The following PCDHA12 variants were observed in gnomAD, a reference collection of about 807,000 sequenced individuals.
The protein encoded by PCDHA12 is protocadherin alpha 12, also known as protocadherin alpha-12.
Under a neutral mutation model 60.0 loss-of-function variants are expected in PCDHA12, and 44 were observed. The observed-to-expected ratio is 0.73, with a 90% CI of 0.58 to 0.94. PCDHA12 has a LOEUF of 0.94. Ranked by LOEUF, PCDHA12 falls within the 40% of genes least tolerant of loss-of-function variation. The probability of loss-of-function intolerance (pLI) is 0.00; values close to 1 mark genes in which losing one functional copy is unlikely to be tolerated. For synonymous variants in PCDHA12, 569 were observed against 553.0 expected, an observed-to-expected ratio of 1.03 and a Z score of -0.40; for missense variants, 1,276 against 1,239.7, an observed-to-expected ratio of 1.03 and a Z score of -0.44.
chr5:140,926,830 G>T (rs2083580756), intron 1 of PCDHA12: 2 of 1,503,958 alleles, frequency 1.3e-6, no homozygotes, highest in Non-Finnish European at 1.8e-6. Context: ...CAGGAGTCCG[G>T]AGCATGGTCC....
chr5:140,881,456 T>C, intron 1 of PCDHA12: 1 of 690,256 alleles, frequency 1.4e-6, no homozygotes, highest in Non-Finnish European at 1.8e-6. Context: ...TCCAAAACCT[T>C]AGAGCATTGT....
chr5:140,905,399 A>AT (rs1414882789), intron 1 of PCDHA12, among the ~76,000 whole-genome samples: 8 of 152,142 alleles, frequency 5.3e-5, no homozygotes, highest in African/African-American at 1.9e-4. Context: ...CTGTGTGCCT[A>AT]TTTTTATACC....
chr5:140,915,259 T>C (rs1344301014), intron 1 of PCDHA12, among the ~76,000 whole-genome samples: 1 of 152,182 alleles, frequency 6.6e-6, no homozygotes, highest in East Asian at 1.9e-4. Context: ...GTTGTTATTA[T>C]TTTTGACCAG....
At chr5:140,900,192 A>G (rs1280412667) in intron 1 of PCDHA12, among the ~76,000 whole-genome samples, 2 of 152,186 alleles carry the variant, frequency 1.3e-5, no homozygotes, top group African/African-American at 2.4e-5. Flanking sequence ...ACTTATAATG[A>G]CATCCAGTTT....
In PCDHA12 at chr5:140,931,701, A is replaced by G. The variant is rs78657610; in HGVS notation, c.2368-47248A>G. Among the ~76,000 whole-genome samples the G allele has an allele frequency of 8.3e-3, 1,259 of 152,106 alleles. 10 individuals are homozygous for G. Among genetic ancestry groups the G allele is most frequent in the Non-Finnish European group, 0.014 (970 of 67,850 alleles). ...TAAATGAATTGTGATTCATAAAACC[A>G]TGAATAAAATAACTTCTATAAATAT... On this transcript the variant is annotated intron_variant, in intron 1 of 3. Coordinates refer to ENST00000398631, the MANE Select transcript of PCDHA12 (RefSeq NM_018903.4).
chr5:140,968,643 A>G (rs2096261293), intron 1 of PCDHA12: 1 of 1,614,198 alleles, frequency 6.2e-7, no homozygotes. Context: ...CATCTAGCCC[A>G]GACTTCTGAC....
At position 140,979,015 on chromosome 5, in the gene PCDHA12, T is replaced by C. The variant is rs782169362; in HGVS notation, c.2426+8T>C. ...GAGAGCAGGCATGCACAGGTATGTATTTCCCTCCTCATTCACTCAGAAGTA... is the reference window on the plus strand; with the variant it reads ...GAGAGCAGGCATGCACAGGTATGTACTTCCCTCCTCATTCACTCAGAAGTA... On this transcript the variant is annotated splice_region_variant and intron_variant, in intron 2 of 3. Coordinates refer to ENST00000398631, the MANE Select transcript of PCDHA12 (RefSeq NM_018903.4). 1 of 1,613,802 alleles carries C rather than the reference T, an allele frequency of 6.2e-7. No individual in the cohort carries two copies. Among genetic ancestry groups the C allele is most frequent in the Non-Finnish European group, 8.5e-7 (1 of 1,179,916 alleles).
intron 1 of PCDHA12, among the ~76,000 whole-genome samples, chr5:140,897,805 A>G (rs1216400632): frequency 6.6e-6 from 1 of 152,172 alleles, no homozygotes; most frequent in Non-Finnish European, 1.5e-5. Context: ...AGTCCCACCA[A>G]CAGTGTAAAA....
rs1190027185 is a variant in PCDHA12, at chr5:140,882,058, C to T, written c.2367+4219C>T. On this transcript the variant is annotated intron_variant, in intron 1 of 3. Transcript: ENST00000398631. ...GAAGACTGAGTCATACTTACACTTA[C>T]ACGTTCATGCGCATGGTGTCGCTCT... is the stretch of plus-strand genomic sequence containing the variant. 1.0e-5 allele frequency: 8 copies of T among 794,854 alleles called. No individual in the cohort carries two copies. The Admixed American group carries it at 2.4e-4, about 24-fold the overall frequency. The allele number at this position is 794,854 out of a possible 1,614,324, so 49.2% of individuals were successfully genotyped here.
At chr5:140,970,156 T>G (rs933887683) in intron 1 of PCDHA12, among the ~76,000 whole-genome samples, 1 of 152,188 alleles carries the variant, frequency 6.6e-6, no homozygotes, top group Non-Finnish European at 1.5e-5. Flanking sequence ...CTCCCAATAG[T>G]CACCTTTCTT....
rs782699904 is a variant in PCDHA12 at position 140,969,414 on chromosome 5, G to A, written c.2368-9535G>A. The A allele has an allele frequency of 6.4e-6, 10 of 1,566,012 alleles. No homozygotes were observed. The Admixed American group carries it at 1.3e-4, about 21-fold the overall frequency. On this transcript the variant is annotated intron_variant, in intron 1 of 3. Coordinates refer to ENST00000398631, the MANE Select transcript of PCDHA12 (RefSeq NM_018903.4). ...ATATCCTGTGATTTGGCTTTATTGA[G>A]TCATTAACAGTGACAAGAGTTATCT...
At chr5:140,950,358 G>A (rs1474217490) in intron 1 of PCDHA12, among the ~76,000 whole-genome samples, 3 of 151,864 alleles carry the variant, frequency 2.0e-5, no homozygotes, top group Admixed American at 1.3e-4. Context: ...TCCTTTATCT[G>A]AAGATCTATT....
intron 1 of PCDHA12, among the ~76,000 whole-genome samples, chr5:140,963,436 T>C (rs148474994): frequency 0.01 from 1,563 of 152,364 alleles, 89 homozygotes; most frequent in Admixed American, 0.092. Context: ...ACTAACTTCA[T>C]ACTCTGTTGC....
intron 1 of PCDHA12, among the ~76,000 whole-genome samples, chr5:140,934,050 C>G (rs558726288): frequency 6.6e-6 from 1 of 151,834 alleles, no homozygotes; most frequent in African/African-American, 2.4e-5. Flanking sequence ...TTAGTCTTTC[C>G]AAGGCTAACT....
intron 3 of PCDHA12, among the ~76,000 whole-genome samples, chr5:140,988,057 C>T (rs557714672): frequency 6.6e-6 from 1 of 152,188 alleles, no homozygotes; most frequent in Non-Finnish European, 1.5e-5. Context: ...GCACTGTCAA[C>T]ATGAATTTTT....
chr5:140,893,853 G>C (rs1395145943), intron 1 of PCDHA12, among the ~76,000 whole-genome samples: 1 of 152,050 alleles, frequency 6.6e-6, no homozygotes. Context: ...CCTACCTCTT[G>C]TATAGAAACA....
At chr5:140,955,716 A>G (rs2095221843) in intron 1 of PCDHA12, among the ~76,000 whole-genome samples, 1 of 152,220 alleles carries the variant, frequency 6.6e-6, no homozygotes, top group African/African-American at 2.4e-5. Flanking sequence ...TAATAGGAAT[A>G]CCATTGAATC....
intron 1 of PCDHA12, among the ~76,000 whole-genome samples, chr5:140,937,501 C>T (rs2091550832): frequency 6.6e-6 from 1 of 152,126 alleles, no homozygotes; most frequent in Admixed American, 6.5e-5. Context: ...CCCGTAATCC[C>T]AGCTACTCAG....
chr5:140,895,885 C>T (rs2065231883), intron 1 of PCDHA12, among the ~76,000 whole-genome samples: 1 of 152,174 alleles, frequency 6.6e-6, no homozygotes, highest in South Asian at 2.1e-4. Context: ...GATCTCGGCT[C>T]ACTGCAACCT....
Sources: gnomAD v4.1 joint callset for allele counts (sites outside exome capture counted in the v4.1 genomes callset) on GRCh38, gnomAD v4.1.1 for gene constraint, MANE v1.5 for transcripts, NCBI Gene and HGNC (gene_info 2026-07-23, HGNC 2026-07-21) for gene names.